Variants in METTL4 observed in about 807,000 individuals in gnomAD.
The protein encoded by METTL4 is N(6)-adenine-specific methyltransferase METTL4.
METTL4 carries 40 observed loss-of-function variants against 54.0 expected under a neutral mutation model. That is an observed-to-expected ratio of 0.74 (90% CI 0.58 to 0.96). METTL4 has a LOEUF of 0.96. Among genes scored for constraint, METTL4 ranks in the 50% least tolerant of loss-of-function variants. The probability of loss-of-function intolerance (pLI) is 0.00; values close to 1 mark genes in which losing one functional copy is unlikely to be tolerated. For missense variants in METTL4, 525 were observed against 549.0 expected, an observed-to-expected ratio of 0.96 and a Z score of 0.44; for synonymous variants, 169 against 183.8, an observed-to-expected ratio of 0.92 and a Z score of 0.65.
chr18:2,544,325 A>C (rs1011511694), intron 7 of METTL4, 39 bp from the exon 8 acceptor site: 1 of 1,492,184 alleles, frequency 6.7e-7, no homozygotes. Flanking sequence ...ATATTTTAAA[A>C]AACAATTTTC....
At chr18:2,563,079 G>A (rs2072346196) in intron 3 of METTL4, among the ~76,000 whole-genome samples, 1 of 151,948 alleles carries the variant, frequency 6.6e-6, no homozygotes, top group Admixed American at 6.6e-5. Flanking sequence ...TGTTCATTCT[G>A]TTTCTTCTCA....
chr18:2,560,751 C>T (rs1337784932), intron 3 of METTL4, among the ~76,000 whole-genome samples: 29 of 151,718 alleles, frequency 1.9e-4, no homozygotes, highest in African/African-American at 6.5e-4. Flanking sequence ...TAGTGGCGGG[C>T]GCCTGTAATC....
In METTL4 at chr18:2,570,847, G is replaced by C. The variant is rs949475; in HGVS notation, c.-439+302C>G. 0.18 allele frequency among the ~76,000 whole-genome samples: 28,020 copies of C among 152,138 alleles called. 2,924 individuals carry two copies. The highest frequency in any genetic ancestry group is 0.24 in the Non-Finnish European group (16,460 of 67,976). On this transcript the variant is annotated intron_variant, in intron 1 of 8. Coordinates refer to ENST00000574538, the MANE Select transcript of METTL4 (RefSeq NM_022840.5). The stretch of plus-strand genomic sequence containing the variant: ...GATCTTTCATCACCACCACTCTCCA[G>C]GTACCGGGCAGTGCCTGTTTCTGGA...
chr18:2,541,255 T>C (rs1356359790), intron 8 of METTL4, among the ~76,000 whole-genome samples: 3 of 152,220 alleles, frequency 2.0e-5, no homozygotes, highest in African/African-American at 7.2e-5. Flanking sequence ...TAAATGTGAA[T>C]GTATAAATTT....
At chr18:2,541,607 G>C (rs1048496655) in intron 8 of METTL4, among the ~76,000 whole-genome samples, 2 of 151,970 alleles carry the variant, frequency 1.3e-5, no homozygotes, top group Non-Finnish European at 2.9e-5. Flanking sequence ...TATAATGTTA[G>C]GTTGTAAACC....
intron 8 of METTL4, among the ~76,000 whole-genome samples, chr18:2,542,962 T>A (rs1430018308): frequency 2.0e-5 from 3 of 151,900 alleles, no homozygotes; most frequent in Non-Finnish European, 2.9e-5. Flanking sequence ...ACCCCGTCTC[T>A]ACTAAAAATA....
intron 5 of METTL4, 83 bp from the exon 6 acceptor site, chr18:2,547,612 A>C (rs988545855): frequency 4.3e-5 from 44 of 1,030,882 alleles, no homozygotes; most frequent in Middle Eastern, 2.5e-4. Flanking sequence ...CATAACACAG[A>C]CTCCACAAAT....
At chr18:2,539,407 T>G (rs2143455615) in intron 8 of METTL4, among the ~76,000 whole-genome samples, 1 of 152,202 alleles carries the variant, frequency 6.6e-6, no homozygotes, top group African/African-American at 2.4e-5. Context: ...AATGAGGACT[T>G]TAACACCTAC....
chr18:2,555,063 A>G lies in METTL4; in HGVS notation c.460-25T>C, dbSNP rs755167983. 2.5e-6 allele frequency: 4 copies of G among 1,597,560 alleles called. No individual in the cohort carries two copies. In the East Asian group the frequency reaches 8.9e-5, roughly 36 times the overall value. ...TCTGTAAGAGAATTTTAAGTACATT[A>G]AAAGAACGTTGACATTAAAAAAGAA... On this transcript the variant is annotated intron_variant, in intron 3 of 8. Coordinates refer to ENST00000574538, the MANE Select transcript of METTL4 (RefSeq NM_022840.5).
rs536705081 is a variant in METTL4 at position 2,549,324 on chromosome 18, T to G, written c.900-1795A>C. On this transcript the variant is annotated intron_variant, in intron 5 of 8. Transcript: ENST00000574538. ...CTCTAGTAGTTCTTTACCATCAACC[T>G]ACAAATATGATTATCCTATCTCATT... Among the ~76,000 whole-genome samples, 5 of 152,154 alleles carry G rather than the reference T, an allele frequency of 3.3e-5. No individual in the cohort carries two copies. In the South Asian group the frequency reaches 1.0e-3, roughly 32 times the overall value.
intron 4 of METTL4, chr18:2,553,727 G>A (rs2072196228): frequency 6.6e-6 from 1 of 152,040 alleles, no homozygotes; most frequent in African/African-American, 2.4e-5. Context: ...GTATATTTTT[G>A]TAAATGTGTA....
intron 6 of METTL4, among the ~76,000 whole-genome samples, chr18:2,546,563 A>G (rs938293573): frequency 2.6e-5 from 4 of 152,136 alleles, no homozygotes; most frequent in African/African-American, 9.7e-5. Context: ...CATAAAAAGT[A>G]CAACTCCACT....
At chr18:2,549,233 TTC>T (rs1377223010) in intron 5 of METTL4, among the ~76,000 whole-genome samples, 1 of 152,258 alleles carries the variant, frequency 6.6e-6, no homozygotes, top group East Asian at 1.9e-4. Flanking sequence ...TCCGGTTGTA[TTC>T]TCTTAGTCCC....
chr18:2,543,492 T>C (rs2072025046), intron 8 of METTL4, among the ~76,000 whole-genome samples: 1 of 152,180 alleles, frequency 6.6e-6, no homozygotes. Flanking sequence ...ACTTTAAATA[T>C]AACTAATTCT....
Position 2,555,373 on chromosome 18 carries a change from T to C in METTL4, c.460-335A>G, listed in dbSNP as rs2072224440. On this transcript the variant is annotated intron_variant, in intron 3 of 8. Transcript: ENST00000574538. ...TCTATAGGGATTGCATGAGGAAGTA[T>C]CTGCTCTTCATTCCTTTGGGAGGAG... 1.2e-5 allele frequency: 3 copies of C among 258,424 alleles called. No homozygotes were observed. The South Asian group carries it at 1.5e-4, about 13-fold the overall frequency. 16.0% of individuals were successfully genotyped at this position (258,424 alleles called of 1,614,324 possible). A position where few individuals can be genotyped will look rare whatever the true frequency, so the allele number is the denominator to read the frequency against.
intron 2 of METTL4, among the ~76,000 whole-genome samples, chr18:2,565,910 G>A (rs778490502): frequency 4.6e-5 from 7 of 152,010 alleles, no homozygotes; most frequent in Non-Finnish European, 1.0e-4. Flanking sequence ...AGCCAGGCGT[G>A]GTGGCAAGCG....
At chr18:2,543,440 G>C (rs1208483147) in intron 8 of METTL4, among the ~76,000 whole-genome samples, 2 of 152,108 alleles carry the variant, frequency 1.3e-5, no homozygotes, top group Non-Finnish European at 1.5e-5. Flanking sequence ...ACTCTGACTT[G>C]AAAAATTTAG....
At position 2,563,834 on chromosome 18, in the gene METTL4, T is replaced by A; in HGVS notation, c.422A>T (p.Asn141Ile). 6.2e-7 allele frequency: 1 copy of A among 1,609,848 alleles called. No homozygotes were observed. The highest frequency in any genetic ancestry group is 1.1e-5 in the South Asian group (1 of 90,384). The change falls in exon 3 of 9, where the codon AAT becomes ATT. Residue 141 changes from asparagine (N) to isoleucine (I), a missense_variant. Coordinates refer to ENST00000574538, the MANE Select transcript of METTL4 (RefSeq NM_022840.5). ...GKKRKRCVVF[N>I]QGELDAMEYH... ...TTCCATAGCATCCAATTCACCTTGA[T>A]TGAAAACAACACATCTTTTACGCTT...
At position 2,539,091 on chromosome 18, in the gene METTL4, C is replaced by G. The variant is rs771372586; in HGVS notation, c.1328G>C (p.Arg443Pro). ...ACTAGTCCAACCTGGCTGTAAATTT[C>G]GAGCAAACAACTCCAAATATTCCCC... ...PDGEYLELFA[R>P]NLQPGWTSWG... The change falls in exon 9 of 9, where the codon CGA becomes CCA. Residue 443 changes from arginine to proline, a missense_variant. Coordinates refer to ENST00000574538, the MANE Select transcript of METTL4 (RefSeq NM_022840.5). The G allele has an allele frequency of 7.4e-6, 12 of 1,613,852 alleles. No homozygotes were observed. The highest frequency in any genetic ancestry group is 9.3e-6 in the Non-Finnish European group (11 of 1,179,810).
Sources: allele counts gnomAD v4.1 joint callset (sites outside exome capture counted in the v4.1 genomes callset), GRCh38; gene constraint gnomAD v4.1.1; transcripts MANE v1.5; gene names NCBI Gene and HGNC (gene_info 2026-07-23, HGNC 2026-07-21).